The following PCDH11X variants were observed in gnomAD, a reference collection of about 807,000 sequenced individuals.
PCDH11X encodes protocadherin 11 X-linked.
A neutral mutation model predicts 53.3 loss-of-function variants in PCDH11X; 18 were observed. That is an observed-to-expected ratio of 0.34 (90% CI 0.23 to 0.50). The LOEUF is 0.50. PCDH11X is among the 20% of genes least tolerant of loss of function. PCDH11X has a pLI of 0.98. For missense variants in PCDH11X, 570 were observed against 1,032.4 expected (o/e 0.55, Z 6.14); for synonymous variants, 279 against 393.3 (o/e 0.71, Z 3.44).
chrX:92,621,113 T>C lies in PCDH11X; in HGVS notation c.*2173T>C, dbSNP rs1322015397. ...TTCACATTTTCTCTCTGCAAAACTT[T>C]AGTTTTCTGATGATCTACACACACA... On this transcript the variant is annotated 3_prime_UTR_variant, in exon 11 of 11. Transcript: ENST00000682573. 2.5e-5 allele frequency: 2 copies of C among 79,745 alleles called. No homozygotes were observed. The highest frequency in any genetic ancestry group is 1.2e-4 in the African/African-American group (2 of 16,271). The allele number at this position is 79,745 out of a possible 1,213,427, so 6.6% of individuals were successfully genotyped here. A position where few individuals can be genotyped will look rare whatever the true frequency, so the allele number is the denominator to read the frequency against.
chrX:92,272,051 G>C (rs1169127844), intron 8 of PCDH11X, among the ~76,000 whole-genome samples: 1 of 111,767 alleles, frequency 8.9e-6, no homozygotes, highest in Non-Finnish European at 1.9e-5. Context: ...AAAGTATCTG[G>C]ATGTAAAAGT....
chrX:92,327,096 T>A (rs1447214316), intron 8 of PCDH11X, among the ~76,000 whole-genome samples: 5 of 108,961 alleles, frequency 4.6e-5, no homozygotes, highest in Middle Eastern at 4.8e-3. Flanking sequence ...GAGATTAATA[T>A]TAGACCTAAA....
intron 7 of PCDH11X, among the ~76,000 whole-genome samples, chrX:92,223,568 C>A (rs2066918213): frequency 8.9e-6 from 1 of 111,984 alleles, no homozygotes; most frequent in Non-Finnish European, 1.9e-5. Flanking sequence ...CTGGTATCCA[C>A]CAAAACTAAG....
chrX:92,500,089 T>C (rs956255441), intron 10 of PCDH11X, among the ~76,000 whole-genome samples: 1 of 111,462 alleles, frequency 9.0e-6, no homozygotes, highest in African/African-American at 3.3e-5. Context: ...TTCTTAAAAT[T>C]GATACTAAGC....
At chrX:92,301,881 A>G (rs193044688) in intron 8 of PCDH11X, among the ~76,000 whole-genome samples, 6 of 110,343 alleles carry the variant, frequency 5.4e-5, no homozygotes, top group African/African-American at 1.7e-4. Flanking sequence ...GTAGAATTCA[A>G]CAGTGAAACT....
At chrX:91,998,814 G>A (rs1035203496) in intron 6 of PCDH11X, among the ~76,000 whole-genome samples, 5 of 111,215 alleles carry the variant, frequency 4.5e-5, no homozygotes, top group Admixed American at 3.8e-4. Flanking sequence ...TCACTATGCC[G>A]AATACAGTAG....
intron 9 of PCDH11X, among the ~76,000 whole-genome samples, chrX:92,408,971 A>G (rs777298216): frequency 1.9e-5 from 2 of 104,368 alleles, no homozygotes; most frequent in Non-Finnish European, 3.9e-5. Flanking sequence ...TTAAAAATGT[A>G]ATTGGCTAAT....
chrX:92,179,974 C>A (rs1022981177), intron 6 of PCDH11X, among the ~76,000 whole-genome samples: 1 of 111,353 alleles, frequency 9.0e-6, no homozygotes, highest in South Asian at 3.9e-4. Context: ...TCCTGGACCT[C>A]GCTCTCTCCG....
intron 8 of PCDH11X, among the ~76,000 whole-genome samples, chrX:92,329,241 T>C (rs1371366180): frequency 9.0e-6 from 1 of 111,514 alleles, no homozygotes; most frequent in Non-Finnish European, 1.9e-5. Context: ...AACATTTACT[T>C]GTTATAGAAA....
Position 92,155,879 on chromosome X carries a change from C to T in PCDH11X, c.3034-45496C>T, listed in dbSNP as rs183202148. On this transcript the variant is annotated intron_variant, in intron 6 of 10. Coordinates refer to ENST00000682573, the MANE Select transcript of PCDH11X (RefSeq NM_032968.5). Reference sequence around the variant, plus strand: ...TCCTGACCTCGTGATCCGCTTGCCTCGGCTTCCCAAAGCCCTGGGATTACA... The same window carrying T: ...TCCTGACCTCGTGATCCGCTTGCCTTGGCTTCCCAAAGCCCTGGGATTACA... 5.2e-3 allele frequency among the ~76,000 whole-genome samples: 563 copies of T among 108,218 alleles called. 3 individuals carry two copies. Among genetic ancestry groups the T allele is most frequent in the African/African-American group, 0.018 (543 of 29,440 alleles). 94.0% of individuals were successfully genotyped at this position (108,218 alleles called of 115,157 possible).
intron 7 of PCDH11X, among the ~76,000 whole-genome samples, chrX:92,235,467 G>A (rs766840669): frequency 5.4e-5 from 6 of 111,179 alleles, no homozygotes; most frequent in Non-Finnish European, 7.6e-5. Context: ...AAATAAACTC[G>A]AAAGCCCACT....
At chrX:92,214,753 A>C (rs1024882336) in intron 7 of PCDH11X, among the ~76,000 whole-genome samples, 13 of 111,669 alleles carry the variant, frequency 1.2e-4, no homozygotes, top group Non-Finnish European at 2.4e-4. Context: ...GGGCCTGTTA[A>C]AGTACTGCCA....
At chrX:91,955,201 T>TA (rs751188913) in intron 6 of PCDH11X, among the ~76,000 whole-genome samples, 63 of 111,104 alleles carry the variant, frequency 5.7e-4, no homozygotes, top group African/African-American at 2.0e-3. Flanking sequence ...CACCAGTTAT[T>TA]AAATAGGGAG....
At position 91,878,520 on chromosome X, in the gene PCDH11X, T is replaced by C. The variant is rs779518955; in HGVS notation, c.2280T>C (p.Asp760=). ...AAGCTAATGACTTAGGACAGCCTGATTCTCTCTTCAGTGTTGTAATTGTCA... is the reference window on the plus strand; with the variant it reads ...AAGCTAATGACTTAGGACAGCCTGACTCTCTCTTCAGTGTTGTAATTGTCA... ...LVKANDLGQP[D]SLFSVVIVNL... Residue 760 remains aspartate (D), a synonymous_variant, in exon 6 of 11, where the codon GAT becomes GAC. Coordinates refer to ENST00000682573, the MANE Select transcript of PCDH11X (RefSeq NM_032968.5). The C allele has an allele frequency of 9.9e-6, 12 of 1,208,320 alleles. No homozygotes were observed. The highest frequency in any genetic ancestry group is 1.3e-5 in the Non-Finnish European group (12 of 894,852).
intron 9 of PCDH11X, among the ~76,000 whole-genome samples, chrX:92,438,780 A>G (rs1013685721): frequency 9.0e-6 from 1 of 111,097 alleles, no homozygotes; most frequent in Non-Finnish European, 1.9e-5. Context: ...TTCATCAAAC[A>G]TAAGCATAAA....
chrX:92,386,810 C>T (rs1181258096), intron 8 of PCDH11X, among the ~76,000 whole-genome samples: 2 of 103,742 alleles, frequency 1.9e-5, no homozygotes, highest in Admixed American at 1.1e-4. Context: ...TTCAATGCAG[C>T]TGTAATTTTC....
At chrX:92,045,210 C>A (rs1414722066) in intron 6 of PCDH11X, among the ~76,000 whole-genome samples, 1 of 108,756 alleles carries the variant, frequency 9.2e-6, no homozygotes, top group African/African-American at 3.4e-5. Context: ...ATCAATTACA[C>A]CTGGTACCTG....
Position 92,071,701 on chromosome X carries a change from G to T in PCDH11X, c.3034-129674G>T, listed in dbSNP as rs752799516. On this transcript the variant is annotated intron_variant, in intron 6 of 10. Transcript: ENST00000682573. ...TAGAGGTACCTCTTTGGTAGTCTTG[G>T]ATAATATCTGGAAGAATTCTTGGAA... Among the ~76,000 whole-genome samples the T allele has an allele frequency of 4.7e-4, 52 of 111,278 alleles. No individual in the cohort carries two copies. In the Middle Eastern group the frequency reaches 0.023, roughly 50 times the overall value.
chrX:92,406,472 A>C (rs911997222), intron 9 of PCDH11X, among the ~76,000 whole-genome samples: 1 of 103,206 alleles, frequency 9.7e-6, no homozygotes, highest in African/African-American at 3.6e-5. Context: ...TCATGGAAAC[A>C]ATGGAATTGT....
Sources: gnomAD v4.1 joint callset for allele counts (sites outside exome capture counted in the v4.1 genomes callset) on GRCh38, gnomAD v4.1.1 for gene constraint, MANE v1.5 for transcripts, NCBI Gene and HGNC (gene_info 2026-07-23, HGNC 2026-07-21) for gene names.